The following KLF7 variants were observed in gnomAD, a reference collection of about 807,000 sequenced individuals.
KLF7 encodes the protein KLF transcription factor 7.
KLF7 carries 2 observed loss-of-function variants against 27.3 expected under a neutral mutation model. That is an observed-to-expected ratio of 0.07 (90% CI 0.03 to 0.23). The LOEUF is 0.23. Ranked by LOEUF, KLF7 falls within the 10% of genes least tolerant of loss-of-function variation. The pLI is 1.00. For synonymous variants in KLF7, 165 were observed against 162.4 expected (o/e 1.02, Z -0.12); for missense variants, 221 against 394.1 (o/e 0.56, Z 3.72).
intron 1 of KLF7, chr2:207,148,997 T>G: frequency 8.6e-7 from 1 of 1,158,410 alleles, no homozygotes; most frequent in Non-Finnish European, 1.1e-6. Context: ...TCATCTACTG[T>G]CCTTCCTTTT....
At chr2:207,104,965 A>C (rs914907023) in intron 2 of KLF7, among the ~76,000 whole-genome samples, 1 of 152,234 alleles carries the variant, frequency 6.6e-6, no homozygotes, top group African/African-American at 2.4e-5. Flanking sequence ...ACTACAACTC[A>C]TCTACCCTCC....
At chr2:207,156,581 G>C (rs1443322658) in intron 1 of KLF7, among the ~76,000 whole-genome samples, 2 of 152,248 alleles carry the variant, frequency 1.3e-5, no homozygotes, top group African/African-American at 4.8e-5. Flanking sequence ...AACCCAGCAA[G>C]GCTGGAGTTT....
intron 1 of KLF7, among the ~76,000 whole-genome samples, chr2:207,162,848 A>G (rs1040175257): frequency 1.3e-5 from 2 of 152,222 alleles, no homozygotes; most frequent in Non-Finnish European, 2.9e-5. Flanking sequence ...GCCCAGGTAC[A>G]TTGTTCACTT....
intron 2 of KLF7, among the ~76,000 whole-genome samples, chr2:207,090,756 C>T (rs781110048): frequency 1.3e-5 from 2 of 152,102 alleles, no homozygotes; most frequent in Non-Finnish European, 2.9e-5. Context: ...TAGGACTGCT[C>T]TGAATGAGTA....
intron 2 of KLF7, among the ~76,000 whole-genome samples, chr2:207,103,212 G>C (rs1377112230): frequency 2.0e-5 from 3 of 152,222 alleles, no homozygotes; most frequent in Non-Finnish European, 4.4e-5. Flanking sequence ...ACAGGTGTGA[G>C]CCATCACGGC....
chr2:207,155,981 T>G (rs1005204116), intron 1 of KLF7, among the ~76,000 whole-genome samples: 1 of 152,322 alleles, frequency 6.6e-6, no homozygotes, highest in Middle Eastern at 3.4e-3. Flanking sequence ...AAGGTGAATG[T>G]GAGAACGGCG....
At chr2:207,126,680 G>A (rs1559143468) in intron 1 of KLF7, among the ~76,000 whole-genome samples, 1 of 152,106 alleles carries the variant, frequency 6.6e-6, no homozygotes, top group Admixed American at 6.6e-5. Flanking sequence ...GCTTGTGCCT[G>A]TTATCCCAGC....
chr2:207,155,712 T>A (rs543235232), intron 1 of KLF7, among the ~76,000 whole-genome samples: 15 of 152,292 alleles, frequency 9.8e-5, no homozygotes, highest in African/African-American at 3.6e-4. Context: ...TTAAGCAGCA[T>A]CTCATCACTC....
chr2:207,108,466 T>C (rs186603694), intron 2 of KLF7, among the ~76,000 whole-genome samples: 32 of 152,266 alleles, frequency 2.1e-4, no homozygotes, highest in Admixed American at 2.1e-3. Flanking sequence ...AGACAAACAA[T>C]CCTCAAAAGA....
intron 2 of KLF7, among the ~76,000 whole-genome samples, chr2:207,090,995 C>G (rs1053628601): frequency 2.0e-5 from 3 of 152,026 alleles, no homozygotes; most frequent in African/African-American, 4.8e-5. Context: ...ACCTTGGGGA[C>G]CAAACACACT....
Position 207,095,029 on chromosome 2 carries a change from TTC to T in KLF7, c.734-6450_734-6449del, listed in dbSNP as rs1426908443. Among the ~76,000 whole-genome samples, 68 of 132,168 alleles carry T rather than the reference TTC, an allele frequency of 5.1e-4. 1 individual carries two copies. The highest frequency in any genetic ancestry group is 3.7e-4 in the Non-Finnish European group (23 of 62,686). 86.7% of individuals were successfully genotyped at this position (132,168 alleles called of 152,430 possible). Reference sequence around the variant, plus strand: ...CAAACATTTGCCCTATTTGTTTTTATTCTTTTTTTTTTTTTTTTTTTTTTTTT... The same window carrying T: ...CAAACATTTGCCCTATTTGTTTTTATTTTTTTTTTTTTTTTTTTTTTTTTT... On this transcript the variant is annotated intron_variant, in intron 2 of 3. Coordinates refer to ENST00000309446, the MANE Select transcript of KLF7 (RefSeq NM_003709.4).
chr2:207,116,030 A>G (rs1358667034), intron 2 of KLF7, among the ~76,000 whole-genome samples: 1 of 152,160 alleles, frequency 6.6e-6, no homozygotes, highest in East Asian at 1.9e-4. Flanking sequence ...AAAACCCCAT[A>G]TTTTAGAAAA....
Position 207,123,994 on chromosome 2 carries a change from A to G in KLF7, c.513T>C (p.Ala171=). Residue 171 remains alanine, a synonymous_variant, in exon 2 of 4, where the codon GCT becomes GCC. Transcript: ENST00000309446. The stretch of plus-strand genomic sequence containing the variant: ...CTCCCACCTTTACGGAGCTGAGAGC[A>G]GCCTTCTTGGCCACCAGTTTCAACG... ...TVTLKLVAKK[A]ALSSVKVGGV... 1 of 1,614,158 alleles carries G rather than the reference A, an allele frequency of 6.2e-7. No homozygotes were observed. The highest frequency in any genetic ancestry group is 8.5e-7 in the Non-Finnish European group (1 of 1,180,024).
chr2:207,152,401 T>C (rs1011605698), intron 1 of KLF7, among the ~76,000 whole-genome samples: 6 of 151,990 alleles, frequency 3.9e-5, no homozygotes, highest in African/African-American at 1.5e-4. Flanking sequence ...GAGGGATGTC[T>C]GATGGGAAAA....
intron 2 of KLF7, among the ~76,000 whole-genome samples, chr2:207,090,921 G>A (rs1451922627): frequency 6.6e-6 from 1 of 152,138 alleles, no homozygotes; most frequent in Non-Finnish European, 1.5e-5. Context: ...TAAGACTTTG[G>A]AAATTCAAAA....
upstream of KLF7, chr2:207,167,034 C>T (rs533547837): frequency 8.5e-5 from 85 of 996,096 alleles, no homozygotes; most frequent in African/African-American, 1.1e-3. Flanking sequence ...TGCAAGGGGC[C>T]TGTTGCTCGA....
intron 1 of KLF7, among the ~76,000 whole-genome samples, chr2:207,138,062 C>T (rs1290704107): frequency 1.3e-5 from 2 of 152,128 alleles, no homozygotes; most frequent in African/African-American, 2.4e-5. Context: ...TGACTGATAC[C>T]GAATGACATG....
intron 2 of KLF7, among the ~76,000 whole-genome samples, chr2:207,093,498 TCTC>T (rs1383952385): frequency 1.3e-5 from 2 of 152,230 alleles, no homozygotes; most frequent in East Asian, 3.8e-4. Flanking sequence ...TGCCTGAATG[TCTC>T]CTCCTCTTAG....
At position 207,135,660 on chromosome 2, in the gene KLF7, T is replaced by G. The variant is rs372351947; in HGVS notation, c.103-11256A>C. ...GATCACAATCCTGGGTAGGAAGAGA[T>G]TCAAGAGTATCATGAAAGCCAGAAA... On this transcript the variant is annotated intron_variant, in intron 1 of 3. Transcript: ENST00000309446. 9.5e-4 allele frequency among the ~76,000 whole-genome samples: 144 copies of G among 152,274 alleles called. 1 individual carries two copies. In the South Asian group the frequency reaches 0.022, roughly 23 times the overall value.
Sources: allele counts gnomAD v4.1 joint callset (sites outside exome capture counted in the v4.1 genomes callset), GRCh38; gene constraint gnomAD v4.1.1; transcripts MANE v1.5; gene names NCBI Gene and HGNC (gene_info 2026-07-23, HGNC 2026-07-21).